Variants in PIGV observed in about 807,000 individuals in gnomAD.
The protein encoded by PIGV is GPI alpha-1,6-mannosyltransferase 2.
A neutral mutation model predicts 39.2 loss-of-function variants in PIGV; 27 were observed. The ratio of observed to expected loss-of-function variants is 0.69; its 90% confidence interval spans 0.51 to 0.95. The LOEUF is 0.95. PIGV is among the 40% of genes least tolerant of loss of function. PIGV has a pLI of 0.00. For synonymous variants in PIGV, 232 were observed against 241.7 expected (o/e 0.96, Z 0.37); for missense variants, 523 against 586.4 (o/e 0.89, Z 1.12).
chr1:26,797,600 T>G lies in PIGV; in HGVS notation c.1238T>G (p.Met413Arg). The G allele has an allele frequency of 6.2e-7, 1 of 1,614,162 alleles. No homozygotes were observed. The highest frequency in any genetic ancestry group is 8.5e-7 in the Non-Finnish European group (1 of 1,180,000). ...TRFLGSSTPIMYWFPAHLLQD... is the reference protein window; with the variant it reads ...TRFLGSSTPIRYWFPAHLLQD... Reference sequence around the variant, plus strand: ...TTTTTGGGCTCCTCCACTCCTATTATGTACTGGTTTCCAGCTCACTTGCTT... The same window carrying G: ...TTTTTGGGCTCCTCCACTCCTATTAGGTACTGGTTTCCAGCTCACTTGCTT... Residue 413 changes from methionine to arginine, a missense_variant, in exon 4 of 4, where the codon ATG (methionine) becomes AGG (arginine). Physicochemically the swap from Met to Arg is moderately conservative, Grantham distance 91. Coordinates refer to ENST00000674202, the MANE Select transcript of PIGV (RefSeq NM_017837.4).
chr1:26,792,551 A>ACTC (rs1359987108), intron 2 of PIGV, among the ~76,000 whole-genome samples: 4 of 149,320 alleles, frequency 2.7e-5, no homozygotes, highest in Non-Finnish European at 5.9e-5. Context: ...CTGGTCTCGA[A>ACTC]CTCCTGACCT....
intron 1 of PIGV, among the ~76,000 whole-genome samples, chr1:26,789,473 T>C (rs1479358918): frequency 6.6e-6 from 1 of 152,358 alleles, no homozygotes; most frequent in Non-Finnish European, 1.5e-5. Context: ...GGAAGAATAC[T>C]TGGGGCACTG....
chr1:26,791,270 C>T (rs1375423464), intron 2 of PIGV, among the ~76,000 whole-genome samples: 1 of 152,132 alleles, frequency 6.6e-6, no homozygotes, highest in East Asian at 1.9e-4. Flanking sequence ...CCCTGTGTCC[C>T]CTTACTAGGA....
intron 3 of PIGV, 41 bp downstream of exon 3, chr1:26,795,275 G>T (rs776203378): frequency 6.2e-7 from 1 of 1,610,338 alleles, no homozygotes. Context: ...GTGAATACAG[G>T]CAAAACCCCT....
chr1:26,798,242 TG>T lies in PIGV; in HGVS notation c.*400del, dbSNP rs1254709385. 1 of 309,680 alleles carries T rather than the reference TG, an allele frequency of 3.2e-6. No homozygotes were observed. The highest frequency in any genetic ancestry group is 2.2e-5 in the African/African-American group (1 of 46,026). 19.2% of individuals were successfully genotyped at this position (309,680 alleles called of 1,614,324 possible). ...CAGGCTGGTAACAGTCCACACAAGA[TG>T]GTATAGGCCTGAACAGTGTAGTGGC... On this transcript the variant is annotated 3_prime_UTR_variant, in exon 4 of 4. Coordinates refer to ENST00000674202, the MANE Select transcript of PIGV (RefSeq NM_017837.4).
rs1339090344 is a variant in PIGV at position 26,794,444 on chromosome 1, T to TG, written c.413dup (p.Cys139LeufsTer54). 1 of 1,614,146 alleles carries TG rather than the reference T, an allele frequency of 6.2e-7. No individual in the cohort carries two copies. Among genetic ancestry groups the TG allele is most frequent in the African/African-American group, 1.3e-5 (1 of 74,952 alleles). The stretch of plus-strand genomic sequence containing the variant: ...TTGGCTGCAGTTGCACTTCATGACC[T>TG]GGGTTGTCTGGTTTTGCACTGTCCC... On this transcript the variant is annotated frameshift_variant, in exon 3 of 4. Transcript: ENST00000674202. LOFTEE classifies it high-confidence loss of function.
intron 3 of PIGV, among the ~76,000 whole-genome samples, chr1:26,797,089 T>G (rs778388780): frequency 6.6e-6 from 1 of 152,162 alleles, no homozygotes; most frequent in Non-Finnish European, 1.5e-5. Context: ...AAGCTTAAAG[T>G]TTCCAGGTTA....
intron 1 of PIGV, among the ~76,000 whole-genome samples, chr1:26,790,132 C>A (rs1397318762): frequency 3.9e-5 from 6 of 152,174 alleles, no homozygotes. Flanking sequence ...GTTTTCTTTT[C>A]CTTCCCCACT....
chr1:26,794,282 A>G lies in PIGV; in HGVS notation c.248A>G (p.His83Arg), dbSNP rs1186478881. The change falls in exon 3 of 4, where the codon CAC becomes CGC. Residue 83 changes from histidine (H) to arginine (R), a missense_variant. Physicochemically the swap from His to Arg is conservative, Grantham distance 29 (BLOSUM62 0). Transcript: ENST00000674202. ...GCTGAGCATGGCTACCTGTATGAGC[A>G]CAACTTTGCCTTCTTTCCTGGTTTC... The part of the protein sequence containing the change: ...FIAEHGYLYE[H>R]NFAFFPGFPL... 1 of 1,614,216 alleles carries G rather than the reference A, an allele frequency of 6.2e-7. No homozygotes were observed. Among genetic ancestry groups the G allele is most frequent in the African/African-American group, 1.3e-5 (1 of 75,044 alleles).
chr1:26,789,590 G>C (rs2081284892), intron 1 of PIGV, among the ~76,000 whole-genome samples: 1 of 152,152 alleles, frequency 6.6e-6, no homozygotes, highest in Non-Finnish European at 1.5e-5. Flanking sequence ...TAGGCCCTGG[G>C]ATATAGTTGT....
Position 26,800,490 on chromosome 1 carries a change from G to C in PIGV, c.*2646G>C, listed in dbSNP as rs1325872865. On this transcript the variant is annotated 3_prime_UTR_variant, in exon 4 of 4. Coordinates refer to ENST00000674202, the MANE Select transcript of PIGV (RefSeq NM_017837.4). The stretch of plus-strand genomic sequence containing the variant: ...TAATGAAGGTGGGAGGAGAGTGTTT[G>C]ACATACCTTTACCAGTCCTCCTGGA... Among the ~76,000 whole-genome samples, 1 of 152,164 alleles carries C rather than the reference G, an allele frequency of 6.6e-6. No homozygotes were observed. The highest frequency in any genetic ancestry group is 2.4e-5 in the African/African-American group (1 of 41,442).
At chr1:26,795,334 T>A (rs1481238023) in intron 3 of PIGV, 100 bp downstream of exon 3, 1 of 1,343,608 alleles carries the variant, frequency 7.4e-7, no homozygotes, top group African/African-American at 1.4e-5. Context: ...GAGTGATCCA[T>A]ACTGAATTTA....
chr1:26,798,969 CT>C lies in PIGV; in HGVS notation c.*1127del. Among the ~76,000 whole-genome samples, 1 of 152,252 alleles carries C rather than the reference CT, an allele frequency of 6.6e-6. No homozygotes were observed. The highest frequency in any genetic ancestry group is 1.5e-5 in the Non-Finnish European group (1 of 68,018). ...GGGGTGGTGGTGAATGATGCAGTCT[CT>C]TGTAGGTCCCTTTCTGCTCTAACAT... On this transcript the variant is annotated 3_prime_UTR_variant, in exon 4 of 4. Transcript: ENST00000674202.
In PIGV at chr1:26,794,758, T is replaced by C; in HGVS notation, c.724T>C (p.Phe242Leu). The change falls in exon 3 of 4, where the codon TTT becomes CTT. Residue 242 changes from phenylalanine (F) to leucine (L), a missense_variant. Phe to Leu is a conservative substitution (Grantham distance 22). Transcript: ENST00000674202. The part of the protein sequence containing the change: ...RQLFKLMASL[F>L]LSVFTLGLPF... ...GCTCTTTAAGCTGATGGCCTCTCTG[T>C]TTCTGTCGGTGTTCACACTTGGCCT... The C allele has an allele frequency of 6.2e-7, 1 of 1,614,194 alleles. No individual in the cohort carries two copies.
intron 3 of PIGV, among the ~76,000 whole-genome samples, chr1:26,796,942 T>C (rs2081392050): frequency 6.6e-6 from 1 of 152,234 alleles, no homozygotes; most frequent in Non-Finnish European, 1.5e-5. Context: ...GCCGACCTCT[T>C]AGCAGTTTCT....
In PIGV at chr1:26,794,948, G is replaced by T; in HGVS notation, c.914G>T (p.Ser305Ile). ...WCFWDVPLIY[S>I]YIQDVYWNVG... is the part of the protein sequence containing the mutation. ...TTCTGGGATGTTCCACTAATATACA[G>T]CTATATCCAGGATGTCTACTGGAAT... Residue 305 changes from serine (S) to isoleucine (I), a missense_variant, in exon 3 of 4, where the codon AGC (serine) becomes ATC (isoleucine). Ser to Ile is a moderately radical substitution (Grantham distance 142). Coordinates refer to ENST00000674202, the MANE Select transcript of PIGV (RefSeq NM_017837.4). The T allele has an allele frequency of 6.2e-7, 1 of 1,614,128 alleles. No individual in the cohort carries two copies. Among genetic ancestry groups the T allele is most frequent in the Non-Finnish European group, 8.5e-7 (1 of 1,179,986 alleles).
chr1:26,798,084 C>G lies in PIGV; in HGVS notation c.*240C>G, dbSNP rs2124209790. 5.6e-6 allele frequency: 3 copies of G among 539,882 alleles called. No individual in the cohort carries two copies. In the South Asian group the frequency reaches 6.0e-5, roughly 11 times the overall value. 33.4% of individuals were successfully genotyped at this position (539,882 alleles called of 1,614,324 possible). ...CTCTGTAAGTGAAGATTGTCGTATT[C>G]CAAGTCTAAAATACACCTGGATCTG... On this transcript the variant is annotated 3_prime_UTR_variant, in exon 4 of 4. Transcript: ENST00000674202.
chr1:26,787,314 C>T (rs1249123808), upstream of PIGV, among the ~76,000 whole-genome samples: 2 of 151,902 alleles, frequency 1.3e-5, no homozygotes, highest in African/African-American at 2.4e-5. Flanking sequence ...AGAGAAACTG[C>T]TTGGGTGAGG....
rs765982367 is a variant in PIGV at position 26,794,388 on chromosome 1, G to T, written c.354G>T (p.Ser118=). The stretch of plus-strand genomic sequence containing the variant: ...GTCTACGCAGTTGCCTGCTGATTTC[G>T]GTAGCATCACTCAATTTCTTGTTCT... ...LLSLRSCLLI[S]VASLNFLFFM... The change falls in exon 3 of 4, where the codon TCG becomes TCT. Residue 118 remains serine (S), a synonymous_variant. Coordinates refer to ENST00000674202, the MANE Select transcript of PIGV (RefSeq NM_017837.4). The T allele has an allele frequency of 6.2e-7, 1 of 1,614,098 alleles. No individual in the cohort carries two copies. Among genetic ancestry groups the T allele is most frequent in the Admixed American group, 1.7e-5 (1 of 60,004 alleles).
Sources: gnomAD v4.1 joint callset for allele counts (sites outside exome capture counted in the v4.1 genomes callset) on GRCh38, gnomAD v4.1.1 for gene constraint, MANE v1.5 for transcripts, NCBI Gene and HGNC (gene_info 2026-07-23, HGNC 2026-07-21) for gene names.